The following INPPL1 variants were observed in gnomAD, a reference collection of about 807,000 sequenced individuals.
The protein encoded by INPPL1 is phosphatidylinositol 3,4,5-trisphosphate 5-phosphatase 2.
In INPPL1, 91 loss-of-function variants were observed where a neutral mutation model predicts 139.3. The ratio of observed to expected loss-of-function variants is 0.65; its 90% confidence interval spans 0.55 to 0.78. The LOEUF is 0.78. Ranked by LOEUF, INPPL1 falls within the 30% of genes least tolerant of loss-of-function variation. INPPL1 has a pLI of 0.00. For missense variants in INPPL1, 1,411 were observed against 1,665.6 expected, an observed-to-expected ratio of 0.85 and a Z score of 2.66; for synonymous variants, 719 against 686.6, an observed-to-expected ratio of 1.05 and a Z score of -0.74.
At chr11:72,230,744 CG>C (rs905729465) in intron 10 of INPPL1, 51 bp from the exon 11 acceptor site, 26 of 1,490,472 alleles carry the variant, frequency 1.7e-5, no homozygotes, top group African/African-American at 4.1e-5. Context: ...TCCCTGTGGA[CG>C]GGGGGCTTCC....
chr11:72,230,467 G>C lies in INPPL1; in HGVS notation c.1196G>C (p.Arg399Pro). ...QRKDFIFVSA[R>P]KREAFCQLLQ... Reference sequence around the variant, plus strand: ...AAGGACTTCATCTTTGTCAGTGCCCGGGTGAGCAGCAGGCTGGGCCAGGCC... The same window carrying C: ...AAGGACTTCATCTTTGTCAGTGCCCCGGTGAGCAGCAGGCTGGGCCAGGCC... Residue 399 changes from arginine (R) to proline (P), a missense_variant and splice_region_variant, in exon 10 of 28, where the codon CGG (arginine) becomes CCG (proline). By Grantham distance (103) the Arg-to-Pro change is moderately radical (BLOSUM62 -2). Coordinates refer to ENST00000298229, the MANE Select transcript of INPPL1 (RefSeq NM_001567.4). 1 of 1,613,378 alleles carries C rather than the reference G, an allele frequency of 6.2e-7. No individual in the cohort carries two copies. Among genetic ancestry groups the C allele is most frequent in the Non-Finnish European group, 8.5e-7 (1 of 1,179,808 alleles).
rs530986980 is a variant in INPPL1 at position 72,227,756 on chromosome 11, C to T, written c.183-434C>T. 3.0e-5 allele frequency: 7 copies of T among 234,902 alleles called. No individual in the cohort carries two copies. In the South Asian group the frequency reaches 4.3e-4, roughly 14 times the overall value. 14.6% of individuals were successfully genotyped at this position (234,902 alleles called of 1,614,324 possible). On this transcript the variant is annotated intron_variant, in intron 1 of 27. Coordinates refer to ENST00000298229, the MANE Select transcript of INPPL1 (RefSeq NM_001567.4). ...CGACTCCAGCAGAGCCAGAGAGCAGCATAAACACAGGAGGCATACACACGT... is the reference window on the plus strand; with the variant it reads ...CGACTCCAGCAGAGCCAGAGAGCAGTATAAACACAGGAGGCATACACACGT...
Position 72,234,497 on chromosome 11 carries a change from T to A in INPPL1, c.2327-30T>A. On this transcript the variant is annotated intron_variant, in intron 20 of 27. Coordinates refer to ENST00000298229, the MANE Select transcript of INPPL1 (RefSeq NM_001567.4). This position sits in a 1 kb window ranked among gnomAD's most constrained non-coding sequence, Gnocchi z 4.2. ...GGGAAAGGAAGCTGAGAGGTGGTGC[T>A]CAGTTGGGTGTCTCCCACCCCCACC... 1 of 1,597,886 alleles carries A rather than the reference T, an allele frequency of 6.3e-7. No homozygotes were observed. Among genetic ancestry groups the A allele is most frequent in the Non-Finnish European group, 8.6e-7 (1 of 1,165,458 alleles).
rs144781166 is a variant in INPPL1, at chr11:72,234,601, C to T, written c.2401C>T (p.Arg801Cys). The T allele has an allele frequency of 3.0e-5, 48 of 1,612,864 alleles. No homozygotes were observed. Among genetic ancestry groups the T allele is most frequent in the Admixed American group, 5.0e-5 (3 of 59,988 alleles). The change falls in exon 21 of 28, where the codon CGC becomes TGC. Residue 801 changes from arginine to cysteine, a missense_variant. Physicochemically the swap from Arg to Cys is radical, Grantham distance 180. This residue lies in a region of INPPL1 where 363 missense variants were observed against 446.2 expected (regional missense o/e 0.81). Coordinates refer to ENST00000298229, the MANE Select transcript of INPPL1 (RefSeq NM_001567.4). This position sits in a 1 kb window ranked among gnomAD's most constrained non-coding sequence, Gnocchi z 4.2. ...CTTCCTCAAAGTGCAGTGGTCTTCACGCCAGCTGCCCACGGTGAGGCTGTG... is the reference window on the plus strand; with the variant it reads ...CTTCCTCAAAGTGCAGTGGTCTTCATGCCAGCTGCCCACGGTGAGGCTGTG... ...INFLKVQWSS[R>C]QLPTLKPILA... is the part of the protein sequence containing the mutation.
chr11:72,237,234 T>C lies in INPPL1; in HGVS notation c.2990T>C (p.Leu997Pro). The change falls in exon 26 of 28, where the codon CTG (leucine) becomes CCG (proline). Residue 997 changes from leucine to proline, a missense_variant. Transcript: ENST00000298229. ...YVLEGVPHQL[L>P]PPEPPSPARA... Reference sequence around the variant, plus strand: ...CTTGAAGGGGTCCCGCACCAGCTGCTGCCCCCGGAGCCACCCTCGCCTGCC... The same window carrying C: ...CTTGAAGGGGTCCCGCACCAGCTGCCGCCCCCGGAGCCACCCTCGCCTGCC... The C allele has an allele frequency of 6.2e-7, 1 of 1,613,932 alleles. No individual in the cohort carries two copies. Among genetic ancestry groups the C allele is most frequent in the Non-Finnish European group, 8.5e-7 (1 of 1,179,998 alleles).
At chr11:72,230,647 C>A in intron 10 of INPPL1, 149 bp from the exon 11 acceptor site, 1 of 837,704 alleles carries the variant, frequency 1.2e-6, no homozygotes, top group Non-Finnish European at 1.9e-6. Context: ...TAACATTTGC[C>A]AGCACTGTTA....
At position 72,232,341 on chromosome 11, in the gene INPPL1, G is replaced by A. The variant is rs1324822464; in HGVS notation, c.1712+5G>A. The A allele has an allele frequency of 6.4e-7, 1 of 1,550,878 alleles. No homozygotes were observed. The highest frequency in any genetic ancestry group is 8.7e-7 in the Non-Finnish European group (1 of 1,146,316). On this transcript the variant is annotated splice_donor_5th_base_variant and intron_variant, in intron 14 of 27. Coordinates refer to ENST00000298229, the MANE Select transcript of INPPL1 (RefSeq NM_001567.4). ...GGGAAATGAGAAGACGGCTCGGTGA[G>A]GGGGCGCCTTTCCCATGGTCTCTTT... is the stretch of plus-strand genomic sequence containing the variant.
In INPPL1 at chr11:72,238,072, G is replaced by A. The variant is rs757863805; in HGVS notation, c.3583G>A (p.Gly1195Arg). ...GTGCCTGCAGGGCGGGCGGGCCAGC[G>A]GGCTGGGCGAGGCAGGCATGAGTGC... ...APCLQGGRAS[G>R]LGEAGMSAWL... The change falls in exon 27 of 28, where the codon GGG becomes AGG. Residue 1195 changes from glycine to arginine, a missense_variant. By Grantham distance (125) the Gly-to-Arg change is moderately radical. Transcript: ENST00000298229. The A allele has an allele frequency of 2.5e-6, 4 of 1,570,986 alleles. No individual in the cohort carries two copies. The highest frequency in any genetic ancestry group is 1.4e-5 in the African/African-American group (1 of 73,830).
chr11:72,234,531 C>G lies in INPPL1; in HGVS notation c.2331C>G (p.Tyr777Ter), dbSNP rs368970014. 1.8e-6 allele frequency: 2 copies of G among 1,134,956 alleles called. No individual in the cohort carries two copies. The highest frequency in any genetic ancestry group is 2.7e-6 in the Non-Finnish European group (2 of 744,202). The allele number at this position is 1,134,956 out of a possible 1,614,324, so 70.3% of individuals were successfully genotyped here. The change falls in exon 21 of 28, where the codon TAC (tyrosine) becomes TAG (stop). Residue 777 changes from tyrosine (Y) to a stop codon, truncating the protein, a stop_gained. Transcript: ENST00000298229. LOFTEE classifies it high-confidence loss of function. This position sits in a 1 kb window ranked among gnomAD's most constrained non-coding sequence, Gnocchi z 4.2. ...TGTCTCCCACCCCCACCCCAGAATA[C>G]AAGAAGAGCTTTGAGAATGATGCCC... ...IEFYSTCLEE[Y>*]KKSFENDAQS...
chr11:72,228,745 C>T lies in INPPL1; in HGVS notation c.416C>T (p.Pro139Leu). 6.2e-7 allele frequency: 1 copy of T among 1,606,660 alleles called. No homozygotes were observed. Among genetic ancestry groups the T allele is most frequent in the East Asian group, 2.2e-5 (1 of 44,858 alleles). ...RDASDGEDEKPPLPPRSGSTS... is the reference protein window; with the variant it reads ...RDASDGEDEKLPLPPRSGSTS... ...CCCACAGATGGGGAGGATGAGAAGC[C>T]CCCGCTGCCCCCGCGCTCTGGCTCC... The change falls in exon 4 of 28, where the codon CCC (proline) becomes CTC (leucine). Residue 139 changes from proline (P) to leucine (L), a missense_variant. Physicochemically the swap from Pro to Leu is moderately conservative, Grantham distance 98 (BLOSUM62 -3). Around this residue, in one of 5 missense-constraint regions of INPPL1, gnomAD observed 504 missense variants for 595.6 expected, o/e 0.85. Coordinates refer to ENST00000298229, the MANE Select transcript of INPPL1 (RefSeq NM_001567.4). This position sits in a 1 kb window ranked among gnomAD's most constrained non-coding sequence, Gnocchi z 5.0.
chr11:72,238,452 ATC>A lies in INPPL1; in HGVS notation c.*105_*106del, dbSNP rs1949065503. ...GAAAAGTTATGAGGGTCAGGGCAGT[ATC>A]TCTCTGCCTATTTATTGGGGTGCCT... On this transcript the variant is annotated 3_prime_UTR_variant, in exon 28 of 28. Transcript: ENST00000298229. 2 of 956,322 alleles carry A rather than the reference ATC, an allele frequency of 2.1e-6. No homozygotes were observed. The highest frequency in any genetic ancestry group is 3.0e-6 in the Non-Finnish European group (2 of 666,464). The allele number at this position is 956,322 out of a possible 1,614,324, so 59.2% of individuals were successfully genotyped here. A position where few individuals can be genotyped will look rare whatever the true frequency, so the allele number is the denominator to read the frequency against.
At position 72,228,407 on chromosome 11, in the gene INPPL1, C is replaced by T. The variant is rs779291537; in HGVS notation, c.306C>T (p.Tyr102=). The T allele has an allele frequency of 9.7e-5, 157 of 1,612,996 alleles. No individual in the cohort carries two copies. Among genetic ancestry groups the T allele is most frequent in the Non-Finnish European group, 1.2e-4 (147 of 1,180,002 alleles). Residue 102 remains tyrosine, a synonymous_variant, in exon 3 of 28, where the codon TAC becomes TAT. Coordinates refer to ENST00000298229, the MANE Select transcript of INPPL1 (RefSeq NM_001567.4). This position sits in a 1 kb window ranked among gnomAD's most constrained non-coding sequence, Gnocchi z 5.0. ...FQTLGELIGL[Y]AQPNQGLVCA... ...CCCTGGGTGAGCTCATCGGCCTGTA[C>T]GCCCAGCCCAACCAGGGCCTTGTGT...
In INPPL1 at chr11:72,230,343, C is replaced by G. The variant is rs770556041; in HGVS notation, c.1091-19C>G. 2 of 1,613,774 alleles carry G rather than the reference C, an allele frequency of 1.2e-6. No individual in the cohort carries two copies. On this transcript the variant is annotated intron_variant, in intron 9 of 27. Coordinates refer to ENST00000298229, the MANE Select transcript of INPPL1 (RefSeq NM_001567.4). ...GGCCTAGGGGCACAGGCCCATGTGA[C>G]CGGTCCTCCATGCCCTAGTCCGCCA...
Position 72,231,199 on chromosome 11 carries a change from G to A in INPPL1, c.1497+10G>A. On this transcript the variant is annotated intron_variant, in intron 12 of 27. Coordinates refer to ENST00000298229, the MANE Select transcript of INPPL1 (RefSeq NM_001567.4). ...TCTGGATTACCGCCCGGTGAGGGGG[G>A]GTCATCTTGTCCAGGACCCTGTCCT... 6.2e-7 allele frequency: 1 copy of A among 1,605,708 alleles called. No individual in the cohort carries two copies. The highest frequency in any genetic ancestry group is 8.5e-7 in the Non-Finnish European group (1 of 1,177,538).
At position 72,234,477 on chromosome 11, in the gene INPPL1, A is replaced by G. The variant is rs2135438290; in HGVS notation, c.2327-50A>G. ...CAGTCAGCCCCCTACTTAGGGGGAA[A>G]GGAAGCTGAGAGGTGGTGCTCAGTT... On this transcript the variant is annotated intron_variant, in intron 20 of 27. Coordinates refer to ENST00000298229, the MANE Select transcript of INPPL1 (RefSeq NM_001567.4). The surrounding 1 kb of genome is among the most constrained non-coding windows in gnomAD (Gnocchi z 4.2). 1 of 1,590,122 alleles carries G rather than the reference A, an allele frequency of 6.3e-7. No homozygotes were observed.
chr11:72,233,271 C>T, intron 17 of INPPL1, 108 bp downstream of exon 17: 1 of 1,106,868 alleles, frequency 9.0e-7, no homozygotes, highest in Non-Finnish European at 1.3e-6. Flanking sequence ...GCCTCCATGG[C>T]CCCTCTGAGG....
chr11:72,229,592 C>G (rs1052407023), intron 6 of INPPL1, 34 bp downstream of exon 6: 1 of 1,612,196 alleles, frequency 6.2e-7, no homozygotes, highest in African/African-American at 1.3e-5. Flanking sequence ...GAGGTGCGTT[C>G]GTGTTCTGGA....
chr11:72,234,981 T>G lies in INPPL1; in HGVS notation c.2416-135T>G. ...GTCTTCTGCATTAAGGATTTGGCTC[T>G]TCTCTGAAGAGTTGAGTGTGAGTGA... On this transcript the variant is annotated intron_variant, in intron 21 of 27. Transcript: ENST00000298229. This position sits in a 1 kb window ranked among gnomAD's most constrained non-coding sequence, Gnocchi z 4.2. 1.4e-6 allele frequency: 1 copy of G among 714,788 alleles called. No homozygotes were observed. Among genetic ancestry groups the G allele is most frequent in the Non-Finnish European group, 2.4e-6 (1 of 417,744 alleles). 44.3% of individuals were successfully genotyped at this position (714,788 alleles called of 1,614,324 possible).
In INPPL1 at chr11:72,232,968, C is replaced by T. The variant is rs777831045; in HGVS notation, c.1945C>T (p.Arg649Ter). 8.7e-6 allele frequency: 14 copies of T among 1,613,924 alleles called. No homozygotes were observed. The highest frequency in any genetic ancestry group is 1.7e-5 in the Admixed American group (1 of 60,020). Residue 649 changes from arginine (R) to a stop codon, truncating the protein, a stop_gained, in exon 16 of 28, where the codon CGA becomes TGA. Transcript: ENST00000298229. LOFTEE classifies it high-confidence loss of function. Reference sequence around the variant, plus strand: ...GCGGGAGAAGCACAAGGTCTTCCTTCGATTCAGTGAGTGTGGGCCTGGTAG... The same window carrying T: ...GCGGGAGAAGCACAAGGTCTTCCTTTGATTCAGTGAGTGTGGGCCTGGTAG... ...LEREKHKVFL[R>*]FSEEEISFPP... is the part of the protein sequence containing the mutation.
Sources: gnomAD v4.1 joint callset for allele counts on GRCh38, gnomAD v4.1.1 for gene constraint, gnomAD v4.1.1 regional missense constraint, Gnocchi (gnomAD v3.1) non-coding constraint, MANE v1.5 for transcripts, NCBI Gene and HGNC (gene_info 2026-07-23, HGNC 2026-07-21) for gene names.